The following ATP8A2 variants were observed in gnomAD, a reference collection of about 807,000 sequenced individuals.
ATP8A2 encodes the protein phospholipid-transporting ATPase IB.
In ATP8A2, 100 loss-of-function variants were observed where a neutral mutation model predicts 165.6. The observed-to-expected ratio is 0.60, with a 90% CI of 0.51 to 0.71. The LOEUF (loss-of-function observed/expected upper bound fraction) is 0.71, where lower values mean the gene tolerates loss of function less well. ATP8A2 is among the 30% of genes least tolerant of loss of function. ATP8A2 has a pLI of 0.00. For synonymous variants in ATP8A2, 543 were observed against 548.8 expected (o/e 0.99, Z 0.15); for missense variants, 1,227 against 1,479.5 (o/e 0.83, Z 2.80).
At chr13:25,892,705 A>G (rs1454794444) in intron 33 of ATP8A2, among the ~76,000 whole-genome samples, 2 of 151,306 alleles carry the variant, frequency 1.3e-5, no homozygotes, top group African/African-American at 2.4e-5. Context: ...TGCTCCCTCC[A>G]TCCCCCTCCT....
chr13:25,726,044 C>A (rs148394097), intron 25 of ATP8A2, among the ~76,000 whole-genome samples: 1 of 152,160 alleles, frequency 6.6e-6, no homozygotes, highest in African/African-American at 2.4e-5. Context: ...TAGATAGACA[C>A]GCATTCAGAA....
chr13:25,813,402 G>GATATGAT (rs1950927658), intron 27 of ATP8A2, among the ~76,000 whole-genome samples: 1 of 148,808 alleles, frequency 6.7e-6, no homozygotes, highest in Non-Finnish European at 1.5e-5. Context: ...GATATGATAT[G>GATATGAT]ATATGATATG....
intron 1 of ATP8A2, among the ~76,000 whole-genome samples, chr13:25,382,605 A>T (rs1176101134): frequency 6.6e-6 from 1 of 152,156 alleles, no homozygotes; most frequent in Non-Finnish European, 1.5e-5. Context: ...TGGTGCTTTC[A>T]GTGTTTTGAA....
At chr13:25,906,791 T>A (rs919806249) in intron 33 of ATP8A2, among the ~76,000 whole-genome samples, 1 of 152,328 alleles carries the variant, frequency 6.6e-6, no homozygotes. Flanking sequence ...GCAGAGTCCC[T>A]GAGTAAGCCA....
intron 24 of ATP8A2, among the ~76,000 whole-genome samples, chr13:25,621,465 T>A (rs2040965954): frequency 6.6e-6 from 1 of 152,210 alleles, no homozygotes; most frequent in South Asian, 2.1e-4. Flanking sequence ...AGCCAAATAT[T>A]CTTATATTCT....
Position 25,543,456 on chromosome 13 carries a change from C to T in ATP8A2, c.891+54C>T. The T allele has an allele frequency of 6.6e-6, 8 of 1,209,296 alleles. No individual in the cohort carries two copies. In the South Asian group the frequency reaches 1.1e-4, roughly 16 times the overall value. 74.9% of individuals were successfully genotyped at this position (1,209,296 alleles called of 1,614,324 possible). ...TTTTTTTTCTTTCTGCTTTTATTGA[C>T]TAGAAGGTGGAAAATGCAGATGTTG... On this transcript the variant is annotated intron_variant, in intron 10 of 36. Coordinates refer to ENST00000381655, the MANE Select transcript of ATP8A2 (RefSeq NM_016529.6).
intron 36 of ATP8A2, 70 bp downstream of exon 36, chr13:26,012,692 G>A (rs1344715045): frequency 4.1e-6 from 4 of 971,752 alleles, no homozygotes; most frequent in African/African-American, 3.6e-5. Context: ...TGAGGAGTTG[G>A]GGGAGCGGGC....
At chr13:25,643,372 G>GT (rs1285309020) in intron 24 of ATP8A2, among the ~76,000 whole-genome samples, 2 of 152,090 alleles carry the variant, frequency 1.3e-5, no homozygotes, top group Admixed American at 6.6e-5. Flanking sequence ...GTTGCTTGCA[G>GT]TTTTTTGTTG....
At chr13:25,520,238 C>T (rs2037618894) in intron 2 of ATP8A2, among the ~76,000 whole-genome samples, 1 of 152,312 alleles carries the variant, frequency 6.6e-6, no homozygotes, top group Admixed American at 6.5e-5. Flanking sequence ...ATCCACTTTT[C>T]TGGCTCTCAC....
In ATP8A2 at chr13:25,892,478, G is replaced by GTCTCTCTGTCTCTCTCTCTCTC. The variant is rs1555286135; in HGVS notation, c.3183+30077_3183+30078insGTCTCTCTCTCTCTCTCTCTCT. The stretch of plus-strand genomic sequence containing the variant: ...CATTTCTCTCTCTCTCTGTCTCTCT[G>GTCTCTCTGTCTCTCTCTCTCTC]TCTCTCTCTCTCTCTCTCTCTCTCT... On this transcript the variant is annotated intron_variant, in intron 33 of 36. Coordinates refer to ENST00000381655, the MANE Select transcript of ATP8A2 (RefSeq NM_016529.6). Among the ~76,000 whole-genome samples, 1,219 of 136,132 alleles carry GTCTCTCTGTCTCTCTCTCTCTC rather than the reference G, an allele frequency of 9.0e-3. 56 individuals are homozygous for GTCTCTCTGTCTCTCTCTCTCTC. The highest frequency in any genetic ancestry group is 0.074 in the Admixed American group (984 of 13,360). The allele number at this position is 136,132 out of a possible 152,430, so 89.3% of individuals were successfully genotyped here.
At chr13:25,839,388 G>A (rs1951701078) in intron 29 of ATP8A2, among the ~76,000 whole-genome samples, 158 bp from the exon 30 acceptor site, 1 of 151,806 alleles carries the variant, frequency 6.6e-6, no homozygotes, top group African/African-American at 2.4e-5. Context: ...TAATCGATTT[G>A]GGTGGGTTTT....
At position 25,428,558 on chromosome 13, in the gene ATP8A2, G is replaced by A. The variant is rs150926972; in HGVS notation, c.77-40419G>A. ...GTGCTGTGGGACCACAGGGAACACCGTCTCACCCTCCCTGCAGGAGTCAAG... is the reference window on the plus strand; with the variant it reads ...GTGCTGTGGGACCACAGGGAACACCATCTCACCCTCCCTGCAGGAGTCAAG... On this transcript the variant is annotated intron_variant, in intron 1 of 36. Transcript: ENST00000381655. 1.4e-4 allele frequency among the ~76,000 whole-genome samples: 21 copies of A among 152,274 alleles called. No homozygotes were observed. In the East Asian group the frequency reaches 3.3e-3, roughly 24 times the overall value.
At chr13:25,539,500 G>C (rs957167050) in intron 7 of ATP8A2, among the ~76,000 whole-genome samples, 12 of 151,972 alleles carry the variant, frequency 7.9e-5, no homozygotes, top group Non-Finnish European at 4.4e-5. Flanking sequence ...GTCTGAGTGT[G>C]TGCTGTGTGC....
At chr13:25,998,245 G>A (rs1418974313) in intron 35 of ATP8A2, among the ~76,000 whole-genome samples, 1 of 152,140 alleles carries the variant, frequency 6.6e-6, no homozygotes, top group African/African-American at 2.4e-5. Flanking sequence ...CTAGTCATCC[G>A]AAGTGATCTC....
In ATP8A2 at chr13:25,489,903, C is replaced by T. The variant is rs77511891; in HGVS notation, c.221+20782C>T. ...TCAGACTTGGCAGATGGATATCTAC[C>T]CTCAAATGGAGGTACATTTGGGATT... On this transcript the variant is annotated intron_variant, in intron 2 of 36. Transcript: ENST00000381655. Among the ~76,000 whole-genome samples, 12 of 152,262 alleles carry T rather than the reference C, an allele frequency of 7.9e-5. No homozygotes were observed. The East Asian group carries it at 2.3e-3, about 29-fold the overall frequency.
At chr13:25,431,429 G>A (rs996131309) in intron 1 of ATP8A2, among the ~76,000 whole-genome samples, 2 of 152,094 alleles carry the variant, frequency 1.3e-5, no homozygotes, top group East Asian at 1.9e-4. Flanking sequence ...GATTACAGGC[G>A]TGAGCCACCA....
rs2040822438 is a variant in ATP8A2, at chr13:25,616,323, T to TTTA, written c.2211+26626_2211+26627insATT. Among the ~76,000 whole-genome samples, 5 of 142,366 alleles carry TTTA rather than the reference T, an allele frequency of 3.5e-5. No homozygotes were observed. The South Asian group carries it at 1.1e-3, about 31-fold the overall frequency. 93.4% of individuals were successfully genotyped at this position (142,366 alleles called of 152,430 possible). A position where few individuals can be genotyped will look rare whatever the true frequency, so the allele number is the denominator to read the frequency against. ...CACTTAATTTTCTTTTCTTTCTTTC[T>TTTA]TTCTTTTTTTTTTTTTTTTTTTTTT... On this transcript the variant is annotated intron_variant, in intron 24 of 36. Transcript: ENST00000381655.
At chr13:25,708,223 G>A (rs1432879578) in intron 25 of ATP8A2, among the ~76,000 whole-genome samples, 1 of 152,152 alleles carries the variant, frequency 6.6e-6, no homozygotes, top group Admixed American at 6.6e-5. Flanking sequence ...AGAAAATCAA[G>A]AACAGAGCTT....
chr13:26,001,959 T>C (rs1024637416), intron 35 of ATP8A2, among the ~76,000 whole-genome samples: 7 of 152,214 alleles, frequency 4.6e-5, no homozygotes, highest in African/African-American at 1.7e-4. Flanking sequence ...CCCTGTATTT[T>C]CCTCTAAGAT....
Sources: allele counts gnomAD v4.1 joint callset (sites outside exome capture counted in the v4.1 genomes callset), GRCh38; gene constraint gnomAD v4.1.1; transcripts MANE v1.5; gene names NCBI Gene and HGNC (gene_info 2026-07-23, HGNC 2026-07-21).